Variants in RBPMS observed in about 807,000 individuals in gnomAD.
RBPMS encodes the protein RNA-binding protein with multiple splicing.
RBPMS carries 7 observed loss-of-function variants against 26.8 expected under a neutral mutation model. The ratio of observed to expected loss-of-function variants is 0.26; its 90% CI spans 0.15 to 0.49. The LOEUF is 0.49. Ranked by LOEUF, RBPMS falls within the 20% of genes least tolerant of loss-of-function variation. The pLI, the probability that RBPMS is intolerant of heterozygous loss-of-function variation, is 0.98. For synonymous variants in RBPMS, 96 were observed against 93.3 expected (o/e 1.03, Z -0.17); for missense variants, 186 against 250.0 (o/e 0.74, Z 1.73).
intron 4 of RBPMS, among the ~76,000 whole-genome samples, chr8:30,496,267 C>T (rs1341332075): frequency 2.0e-5 from 3 of 151,428 alleles, no homozygotes; most frequent in Non-Finnish European, 4.4e-5. Context: ...CACCTGATTT[C>T]ACGCCATTCT....
At chr8:30,529,511 GAAA>G (rs1025489498) in intron 5 of RBPMS, among the ~76,000 whole-genome samples, 1 of 149,272 alleles carries the variant, frequency 6.7e-6, no homozygotes, top group African/African-American at 2.5e-5. Context: ...TAAAAAAAAA[GAAA>G]AGACAAAACA....
intron 7 of RBPMS, among the ~76,000 whole-genome samples, chr8:30,562,725 C>T (rs987442204): frequency 1.3e-5 from 2 of 152,164 alleles, no homozygotes; most frequent in African/African-American, 4.8e-5. Context: ...TTGGCAGAGG[C>T]CCACATGGCT....
At chr8:30,491,731 A>C (rs949663595) in intron 4 of RBPMS, among the ~76,000 whole-genome samples, 1 of 152,192 alleles carries the variant, frequency 6.6e-6, no homozygotes, top group African/African-American at 2.4e-5. Context: ...ACTTTGCAGA[A>C]CGATCCTTAA....
intron 4 of RBPMS, among the ~76,000 whole-genome samples, chr8:30,493,054 A>G (rs953403449): frequency 6.6e-6 from 1 of 152,168 alleles, no homozygotes; most frequent in African/African-American, 2.4e-5. Context: ...AGGCAAACCC[A>G]CTGTTGATTT....
At chr8:30,434,996 A>ACTTC (rs1554512724) in intron 1 of RBPMS, among the ~76,000 whole-genome samples, 1 of 150,400 alleles carries the variant, frequency 6.6e-6, no homozygotes, top group African/African-American at 2.5e-5. Flanking sequence ...TCCAAAGAAG[A>ACTTC]CATCCATCCA....
chr8:30,550,092 T>C (rs1270724028), intron 6 of RBPMS, among the ~76,000 whole-genome samples: 2 of 152,138 alleles, frequency 1.3e-5, no homozygotes, highest in Non-Finnish European at 2.9e-5. Context: ...CCTTATGATC[T>C]GCCCGCCTTG....
chr8:30,555,150 C>G (rs1781414705), intron 6 of RBPMS, among the ~76,000 whole-genome samples: 1 of 152,114 alleles, frequency 6.6e-6, no homozygotes, highest in South Asian at 2.1e-4. Flanking sequence ...TTGATTTTTA[C>G]TCTGAGTTGC....
At chr8:30,420,063 AAAG>A (rs1414103593) in intron 1 of RBPMS, among the ~76,000 whole-genome samples, 2 of 152,078 alleles carry the variant, frequency 1.3e-5, no homozygotes, top group Non-Finnish European at 2.9e-5. Flanking sequence ...TGTCTCAACA[AAAG>A]AAACCCAAAG....
In RBPMS at chr8:30,479,320, A is replaced by G. The variant is rs546125339; in HGVS notation, c.189A>G (p.Val63=). 1.9e-6 allele frequency: 3 copies of G among 1,605,720 alleles called. No homozygotes were observed. Among genetic ancestry groups the G allele is most frequent in the South Asian group, 2.2e-5 (2 of 89,416 alleles). ...TTTCTCTTTTTTTTTCTCAGCCTGT[A>G]GGTTTTGTCAGTTTTGACAGTCGCT... is the stretch of plus-strand genomic sequence containing the variant. ...SLIKLTSKQP[V]GFVSFDSRSE... is the part of the protein sequence containing the mutation. Residue 63 remains valine (V), a synonymous_variant, in exon 4 of 9, where the codon GTA becomes GTG. Transcript: ENST00000397323.
chr8:30,542,471 C>T (rs535532266), intron 5 of RBPMS, among the ~76,000 whole-genome samples: 37 of 152,316 alleles, frequency 2.4e-4, no homozygotes, highest in African/African-American at 7.9e-4. Flanking sequence ...CTACCCACCC[C>T]ACCCCAGTTA....
intron 1 of RBPMS, among the ~76,000 whole-genome samples, chr8:30,473,439 G>T (rs1209702357): frequency 6.6e-6 from 1 of 152,146 alleles, no homozygotes; most frequent in East Asian, 1.9e-4. Context: ...TATGTGTCTT[G>T]AATGACTTTT....
At position 30,385,140 on chromosome 8, in the gene RBPMS, C is replaced by CAACCTTCAGG; in HGVS notation, c.50_59dup (p.Glu21ProfsTer31). The CAACCTTCAGG allele has an allele frequency of 6.6e-7, 1 of 1,525,222 alleles. No homozygotes were observed. Among genetic ancestry groups the CAACCTTCAGG allele is most frequent in the Non-Finnish European group, 8.8e-7 (1 of 1,137,518 alleles). The allele number at this position is 1,525,222 out of a possible 1,614,324, so 94.5% of individuals were successfully genotyped here. A position where few individuals can be genotyped will look rare whatever the true frequency, so the allele number is the denominator to read the frequency against. ...AGAAGGAGAACACCCCGAGCGAGGC[C>CAACCTTCAGG]AACCTTCAGGAGGAGGAGGTACTGG... On this transcript the variant is annotated frameshift_variant, in exon 1 of 9. Transcript: ENST00000397323. LOFTEE classifies it high-confidence loss of function.
intron 1 of RBPMS, among the ~76,000 whole-genome samples, chr8:30,392,203 A>C (rs1014794260): frequency 1.3e-5 from 2 of 152,164 alleles, no homozygotes; most frequent in African/African-American, 4.8e-5. Flanking sequence ...GCTGTGTCAC[A>C]GAAAGCTTTA....
intron 5 of RBPMS, among the ~76,000 whole-genome samples, chr8:30,514,408 T>G (rs1259570097): frequency 6.6e-6 from 1 of 152,162 alleles, no homozygotes; most frequent in African/African-American, 2.4e-5. Context: ...AATTGTGAGA[T>G]GTGCCTGTCA....
At chr8:30,463,490 A>G (rs1251905263) in intron 1 of RBPMS, among the ~76,000 whole-genome samples, 1 of 152,268 alleles carries the variant, frequency 6.6e-6, no homozygotes, top group East Asian at 1.9e-4. Flanking sequence ...CAACATGACA[A>G]CTGGCTTCAC....
At chr8:30,501,441 A>AC (rs1457088925) in intron 4 of RBPMS, among the ~76,000 whole-genome samples, 199 of 152,030 alleles carry the variant, frequency 1.3e-3, no homozygotes, top group African/African-American at 4.4e-3. Context: ...GAACAAGAAT[A>AC]TGTTGTTTCT....
chr8:30,485,647 A>G (rs954796409), intron 4 of RBPMS, among the ~76,000 whole-genome samples: 1 of 152,202 alleles, frequency 6.6e-6, no homozygotes, highest in Non-Finnish European at 1.5e-5. Flanking sequence ...TTTCTCAACT[A>G]TGTGCATGCA....
chr8:30,508,880 A>AT (rs1339874866), intron 5 of RBPMS, among the ~76,000 whole-genome samples: 1 of 152,184 alleles, frequency 6.6e-6, no homozygotes, highest in Non-Finnish European at 1.5e-5. Flanking sequence ...ATACCTTATT[A>AT]TAATAGTGCC....
chr8:30,526,518 T>C (rs1257508843), intron 5 of RBPMS, among the ~76,000 whole-genome samples: 1 of 152,198 alleles, frequency 6.6e-6, no homozygotes, highest in African/African-American at 2.4e-5. Context: ...TGAGATAAAT[T>C]TTCTAACCGC....
Sources: gnomAD v4.1 joint callset for allele counts (sites outside exome capture counted in the v4.1 genomes callset) on GRCh38, gnomAD v4.1.1 for gene constraint, MANE v1.5 for transcripts, NCBI Gene and HGNC (gene_info 2026-07-23, HGNC 2026-07-21) for gene names.